The following DENND1B variants were observed in gnomAD, a reference collection of about 807,000 sequenced individuals.
DENND1B encodes the protein DENN domain-containing protein 1B.
In DENND1B, 59 loss-of-function variants were observed where a neutral mutation model predicts 90.1. That is an observed-to-expected ratio of 0.65 (90% confidence interval 0.53 to 0.81). DENND1B has a LOEUF of 0.81. Among genes scored for constraint, DENND1B ranks in the 40% least tolerant of loss-of-function variants. The probability of loss-of-function intolerance (pLI) is 0.00; values close to 1 mark genes in which losing one functional copy is unlikely to be tolerated. For missense variants in DENND1B, 862 were observed against 912.6 expected, an observed-to-expected ratio of 0.94 and a Z score of 0.71; for synonymous variants, 337 against 324.6, an observed-to-expected ratio of 1.04 and a Z score of -0.41.
chr1:197,734,078 T>G (rs1302371672), intron 2 of DENND1B: 1 of 954,658 alleles, frequency 1.0e-6, no homozygotes, highest in East Asian at 1.2e-4. Flanking sequence ...TGCTACTGTA[T>G]TTTTCACTGA....
At chr1:197,751,179 C>T (rs1653457139) in intron 2 of DENND1B, among the ~76,000 whole-genome samples, 4 of 152,172 alleles carry the variant, frequency 2.6e-5, no homozygotes, top group Admixed American at 6.5e-5. Context: ...TAGACCACCT[C>T]GTGGGCCATA....
chr1:197,679,773 A>T (rs1178938153), intron 3 of DENND1B, among the ~76,000 whole-genome samples: 1 of 150,678 alleles, frequency 6.6e-6, no homozygotes, highest in East Asian at 1.9e-4. Flanking sequence ...TAAAAAATCA[A>T]AGTGTATATA....
chr1:197,771,287 TATATC>T (rs1656576780), intron 2 of DENND1B, among the ~76,000 whole-genome samples: 1 of 152,076 alleles, frequency 6.6e-6, no homozygotes, highest in Admixed American at 6.5e-5. Context: ...TAGATTAACT[TATATC>T]ATAAACCACT....
intron 10 of DENND1B, among the ~76,000 whole-genome samples, chr1:197,626,679 A>G (rs1678766891): frequency 6.6e-6 from 1 of 152,128 alleles, no homozygotes; most frequent in Non-Finnish European, 1.5e-5. Flanking sequence ...CTAAAATCAG[A>G]GCAGAACTGA....
chr1:197,510,743 G>A lies in DENND1B; in HGVS notation c.2045C>T (p.Ser682Leu), dbSNP rs747721108. Residue 682 changes from serine (S) to leucine (L), a missense_variant, in exon 23 of 23, where the codon TCA (serine) becomes TTA (leucine). Physicochemically the swap from Ser to Leu is moderately radical, Grantham distance 145 (BLOSUM62 -2). Coordinates refer to ENST00000620048, the MANE Select transcript of DENND1B (RefSeq NM_001195215.2). The stretch of plus-strand genomic sequence containing the variant: ...GGAAGTGAGTTGGAAATCCAGTCCT[G>A]AAGTAGGGTCACTCACATTGTCAGC... ...LGADNVSDPT[S>L]GLDFQLTSPE... is the part of the protein sequence containing the mutation. 3 of 1,612,728 alleles carry A rather than the reference G, an allele frequency of 1.9e-6. No homozygotes were observed. The Admixed American group carries it at 5.0e-5, about 27-fold the overall frequency.
chr1:197,734,649 G>A (rs775943515), intron 2 of DENND1B: 1 of 984,690 alleles, frequency 1.0e-6, no homozygotes, highest in Non-Finnish European at 1.2e-6. Flanking sequence ...AATCAGAATA[G>A]TTCAAAACCC....
intron 15 of DENND1B, among the ~76,000 whole-genome samples, chr1:197,559,534 C>A (rs570686110): frequency 9.5e-4 from 145 of 151,986 alleles, no homozygotes; most frequent in African/African-American, 3.4e-3. Context: ...CATTAGAAAC[C>A]CTTCTTAGGT....
intron 5 of DENND1B, among the ~76,000 whole-genome samples, chr1:197,662,430 C>A (rs1654499267): frequency 6.6e-6 from 1 of 152,006 alleles, no homozygotes; most frequent in East Asian, 1.9e-4. Flanking sequence ...GATAAAGCAA[C>A]TTATCTAGGG....
At chr1:197,690,918 T>C (rs1017251820) in intron 3 of DENND1B, among the ~76,000 whole-genome samples, 4 of 151,614 alleles carry the variant, frequency 2.6e-5, no homozygotes, top group African/African-American at 4.9e-5. Flanking sequence ...CCCATTAAAA[T>C]ATATTTTAAT....
intron 20 of DENND1B, among the ~76,000 whole-genome samples, chr1:197,513,738 G>T (rs531557687): frequency 1.3e-5 from 2 of 151,150 alleles, no homozygotes; most frequent in Non-Finnish European, 3.0e-5. Context: ...TTTTTAGTAC[G>T]TTTCTTTGGA....
At chr1:197,562,550 G>A (rs940753188) in intron 15 of DENND1B, among the ~76,000 whole-genome samples, 1 of 151,852 alleles carries the variant, frequency 6.6e-6, no homozygotes, top group African/African-American at 2.4e-5. Flanking sequence ...GTTTTAGGGT[G>A]CCAGGAACCA....
chr1:197,703,841 C>G (rs1406793618), intron 3 of DENND1B, among the ~76,000 whole-genome samples: 3 of 152,178 alleles, frequency 2.0e-5, no homozygotes, highest in Non-Finnish European at 2.9e-5. Context: ...CTTTTCAAAT[C>G]TCTGATGCCT....
intron 5 of DENND1B, among the ~76,000 whole-genome samples, chr1:197,669,218 ATCTTTTAGGGATTCCATGTATACTC>A (rs1655242870): frequency 1.3e-5 from 2 of 152,112 alleles, no homozygotes; most frequent in Non-Finnish European, 2.9e-5. Context: ...AAATACACAA[ATCTTTTAGGGATTCCATGTATACTC>A]TCACTGCCAC....
chr1:197,600,207 A>G (rs929287382), intron 13 of DENND1B, among the ~76,000 whole-genome samples: 1 of 151,842 alleles, frequency 6.6e-6, no homozygotes, highest in Non-Finnish European at 1.5e-5. Flanking sequence ...AGTTTGGCTA[A>G]AATTATTTTC....
chr1:197,574,467 C>T (rs992476065), intron 15 of DENND1B, among the ~76,000 whole-genome samples: 1 of 152,176 alleles, frequency 6.6e-6, no homozygotes, highest in African/African-American at 2.4e-5. Flanking sequence ...GAAGAACATT[C>T]CACATTCATG....
intron 13 of DENND1B, among the ~76,000 whole-genome samples, chr1:197,603,063 C>T (rs1273653540): frequency 1.3e-5 from 2 of 151,340 alleles, no homozygotes; most frequent in East Asian, 1.9e-4. Flanking sequence ...TATAGCTATC[C>T]TGTAACATAC....
chr1:197,647,216 G>T, intron 7 of DENND1B, 102 bp from the exon 8 acceptor site: 1 of 640,724 alleles, frequency 1.6e-6, no homozygotes, highest in Non-Finnish European at 2.4e-6. Context: ...AGCCAAGTTA[G>T]CCACTAAAAA....
intron 2 of DENND1B, among the ~76,000 whole-genome samples, chr1:197,733,691 C>T (rs1377538805): frequency 2.0e-5 from 3 of 152,184 alleles, no homozygotes; most frequent in Non-Finnish European, 4.4e-5. Context: ...TCTCATCCAA[C>T]CAGCTAGCCA....
In DENND1B at chr1:197,512,961, G is replaced by C. The variant is rs1225903517; in HGVS notation, c.1516-8C>G. 1.9e-6 allele frequency: 3 copies of C among 1,602,134 alleles called. No homozygotes were observed. In the East Asian group the frequency reaches 6.7e-5, roughly 36 times the overall value. Reference sequence around the variant, plus strand: ...AGGCCTTTTTAAGCGTGCCTGGAGAGAGAGATTGACAATAAATTGGCATTA... The same window carrying C: ...AGGCCTTTTTAAGCGTGCCTGGAGACAGAGATTGACAATAAATTGGCATTA... On this transcript the variant is annotated splice_region_variant and splice_polypyrimidine_tract_variant and intron_variant, in intron 20 of 22. Transcript: ENST00000620048.
Sources: gnomAD v4.1 joint callset for allele counts (sites outside exome capture counted in the v4.1 genomes callset) on GRCh38, gnomAD v4.1.1 for gene constraint, MANE v1.5 for transcripts, NCBI Gene and HGNC (gene_info 2026-07-23, HGNC 2026-07-21) for gene names.